The following CCDC33 variants were observed in gnomAD, a reference collection of about 807,000 sequenced individuals.
CCDC33 encodes the protein coiled-coil domain-containing protein 33.
CCDC33 carries 94 observed loss-of-function variants against 91.9 expected under a neutral mutation model. The observed-to-expected ratio is 1.02, with a 90% CI of 0.87 to 1.21. The LOEUF (loss-of-function observed/expected upper bound fraction) is 1.21, where lower values mean the gene tolerates loss of function less well. Among genes scored for constraint, CCDC33 ranks in the 50% most tolerant of loss-of-function variants. CCDC33 has a pLI of 0.00. For synonymous variants in CCDC33, 396 were observed against 374.5 expected, an observed-to-expected ratio of 1.06 and a Z score of -0.66; for missense variants, 940 against 935.5, an observed-to-expected ratio of 1.00 and a Z score of -0.06.
chr15:74,272,677 T>C (rs1282174381), intron 6 of CCDC33, 94 bp from the exon 7 acceptor site: 2 of 1,515,320 alleles, frequency 1.3e-6, no homozygotes, highest in Non-Finnish European at 1.8e-6. Flanking sequence ...AACTCCCTTC[T>C]CTTGCATCAA....
intron 10 of CCDC33, among the ~76,000 whole-genome samples, chr15:74,289,247 G>A (rs1175370211): frequency 1.3e-5 from 2 of 152,222 alleles, no homozygotes; most frequent in Non-Finnish European, 2.9e-5. Flanking sequence ...TGGGGGAAGA[G>A]ACAGACAACC....
chr15:74,263,790 G>A (rs747665232), intron 3 of CCDC33, among the ~76,000 whole-genome samples: 17 of 152,138 alleles, frequency 1.1e-4, no homozygotes, highest in Non-Finnish European at 2.2e-4. Context: ...GTGTGTGTGC[G>A]CGTGGGTGTG....
At chr15:74,294,033 A>C (rs1216260194) in intron 10 of CCDC33, among the ~76,000 whole-genome samples, 1 of 152,236 alleles carries the variant, frequency 6.6e-6, no homozygotes, top group Non-Finnish European at 1.5e-5. Flanking sequence ...CCTTGTCTCA[A>C]TTCATTGAAT....
chr15:74,318,399 T>C, intron 11 of CCDC33: 1 of 526,438 alleles, frequency 1.9e-6, no homozygotes, highest in East Asian at 3.5e-5. Flanking sequence ...TACAATTCTG[T>C]GGCCAAGGAG....
intron 10 of CCDC33, among the ~76,000 whole-genome samples, chr15:74,285,496 A>G (rs995408452): frequency 2.6e-5 from 4 of 152,156 alleles, no homozygotes; most frequent in African/African-American, 9.6e-5. Context: ...AGTGATAGAA[A>G]TGGCCACCCC....
intron 2 of CCDC33, among the ~76,000 whole-genome samples, chr15:74,258,141 T>C (rs435137): frequency 0.87 from 132,758 of 152,250 alleles, 59,683 homozygotes; most frequent in Non-Finnish European, 0.98. Context: ...AGGTCAAAGG[T>C]GCCCAATACC....
chr15:74,205,379 A>G (rs193276982), intron 1 of CCDC33, among the ~76,000 whole-genome samples: 6 of 152,310 alleles, frequency 3.9e-5, no homozygotes, highest in Admixed American at 3.3e-4. Flanking sequence ...GAAACCCACA[A>G]TCGTGATGGA....
At chr15:74,264,317 G>A (rs368099325) in intron 3 of CCDC33, among the ~76,000 whole-genome samples, 2 of 152,172 alleles carry the variant, frequency 1.3e-5, no homozygotes, top group Non-Finnish European at 2.9e-5. Context: ...CAAAGCAGGC[G>A]GGTGGCAGAA....
At chr15:74,333,658 G>A (rs557658915) in intron 16 of CCDC33, among the ~76,000 whole-genome samples, 43 of 152,150 alleles carry the variant, frequency 2.8e-4, no homozygotes, top group African/African-American at 9.7e-4. Context: ...TCAAAACTTC[G>A]TATTCTCAAA....
At chr15:74,288,741 T>A (rs2059526979) in intron 10 of CCDC33, among the ~76,000 whole-genome samples, 2 of 152,186 alleles carry the variant, frequency 1.3e-5, no homozygotes, top group African/African-American at 4.8e-5. Context: ...GCCCCATCTG[T>A]ACCCCCAACC....
At chr15:74,222,574 T>C (rs1017756007) in intron 2 of CCDC33, among the ~76,000 whole-genome samples, 16 of 151,206 alleles carry the variant, frequency 1.1e-4, no homozygotes, top group African/African-American at 3.6e-4. Flanking sequence ...CACCTTTTTT[T>C]CCCCCAAGGG....
upstream of CCDC33, among the ~76,000 whole-genome samples, chr15:74,215,760 C>T (rs2074425281): frequency 6.6e-6 from 1 of 151,476 alleles, no homozygotes; most frequent in South Asian, 2.1e-4. Context: ...ATCCCGGCTA[C>T]TGAAGAAGGC....
In CCDC33 at chr15:74,301,658, TA is replaced by T. The variant is rs750460592; in HGVS notation, c.1290+5711del. 5 of 152,380 alleles carry T rather than the reference TA, an allele frequency of 3.3e-5. No homozygotes were observed. In the East Asian group the frequency reaches 5.8e-4, roughly 18 times the overall value. 9.4% of individuals were successfully genotyped at this position (152,380 alleles called of 1,614,324 possible). The stretch of plus-strand genomic sequence containing the variant: ...GAGAGAGAGCTGGGGAGGTGGTGGA[TA>T]GGGGGAGAGGCAGGCAAGGAAGTCT... On this transcript the variant is annotated intron_variant, in intron 11 of 18. Transcript: ENST00000398814.
intron 2 of CCDC33, among the ~76,000 whole-genome samples, chr15:74,225,762 A>T (rs1217320602): frequency 6.6e-6 from 1 of 152,166 alleles, no homozygotes; most frequent in Non-Finnish European, 1.5e-5. Context: ...CCCATCTTTA[A>T]TATACCTCTG....
chr15:74,318,794 C>G, intron 11 of CCDC33: 1 of 641,196 alleles, frequency 1.6e-6, no homozygotes, highest in Non-Finnish European at 2.8e-6. Flanking sequence ...GTGGAGAGGA[C>G]CAGGGCTTTG....
chr15:74,303,578 G>A, intron 11 of CCDC33: 1 of 153,318 alleles, frequency 6.5e-6, no homozygotes. Context: ...AGTCTCCGTA[G>A]CCCCTGACTC....
intron 11 of CCDC33, among the ~76,000 whole-genome samples, chr15:74,311,014 C>T (rs569052826): frequency 6.6e-6 from 1 of 152,146 alleles, no homozygotes; most frequent in Non-Finnish European, 1.5e-5. Flanking sequence ...GGGGAGGAGG[C>T]TTGTGGCCTA....
intron 11 of CCDC33, among the ~76,000 whole-genome samples, chr15:74,328,385 C>T (rs1447388120): frequency 1.3e-5 from 2 of 152,340 alleles, no homozygotes; most frequent in African/African-American, 4.8e-5. Flanking sequence ...CTCACAGCAA[C>T]ACCAGGCATC....
At chr15:74,235,144 C>T (rs1490810016), upstream of CCDC33, among the ~76,000 whole-genome samples, 8 of 152,198 alleles carry the variant, frequency 5.3e-5, no homozygotes, top group Non-Finnish European at 1.5e-5. Context: ...TGGTCAGGCC[C>T]CCAGCCCCAG....
Sources: gnomAD v4.1 joint callset for allele counts (sites outside exome capture counted in the v4.1 genomes callset) on GRCh38, gnomAD v4.1.1 for gene constraint, MANE v1.5 for transcripts, NCBI Gene and HGNC (gene_info 2026-07-23, HGNC 2026-07-21) for gene names.